Variants in XKR6 observed in about 807,000 individuals in gnomAD.
XKR6 encodes XK related 6, also known as XK-related protein 6.
Under a neutral mutation model 56.7 loss-of-function variants are expected in XKR6, and 22 were observed. That is an observed-to-expected ratio of 0.39 (90% CI 0.28 to 0.55). XKR6 has a LOEUF of 0.55. Among genes scored for constraint, XKR6 ranks in the 20% least tolerant of loss-of-function variants. The probability of loss-of-function intolerance (pLI) is 0.66; values close to 1 mark genes in which losing one functional copy is unlikely to be tolerated. For missense variants in XKR6, 852 were observed against 889.0 expected, an observed-to-expected ratio of 0.96 and a Z score of 0.53; for synonymous variants, 524 against 387.8, an observed-to-expected ratio of 1.35 and a Z score of -4.13.
At chr8:11,022,286 G>T (rs1446537084) in intron 1 of XKR6, among the ~76,000 whole-genome samples, 1 of 152,036 alleles carries the variant, frequency 6.6e-6, no homozygotes, top group African/African-American at 2.4e-5. Context: ...AAAGGTGCAT[G>T]GGCTGTAACC....
At chr8:11,007,900 C>A (rs1330132196) in intron 1 of XKR6, among the ~76,000 whole-genome samples, 2 of 151,952 alleles carry the variant, frequency 1.3e-5, no homozygotes, top group Non-Finnish European at 2.9e-5. Context: ...AGCTTGAGCC[C>A]TTGGAAGCAG....
At chr8:11,043,943 C>T (rs1799346727) in intron 1 of XKR6, among the ~76,000 whole-genome samples, 1 of 152,224 alleles carries the variant, frequency 6.6e-6, no homozygotes, top group African/African-American at 2.4e-5. Context: ...CTTAAAGAAT[C>T]AACTAAGCTC....
chr8:11,114,919 A>AT (rs1403352391), intron 1 of XKR6, among the ~76,000 whole-genome samples: 1 of 152,176 alleles, frequency 6.6e-6, no homozygotes. Context: ...TCTAACCAAA[A>AT]TAAGGCACTC....
chr8:11,050,903 C>T (rs1586478877), intron 1 of XKR6, among the ~76,000 whole-genome samples: 1 of 152,208 alleles, frequency 6.6e-6, no homozygotes, highest in Non-Finnish European at 1.5e-5. Flanking sequence ...CACCCTCATC[C>T]TCAGAATAAC....
chr8:10,999,806 A>T (rs1798198431), intron 1 of XKR6, among the ~76,000 whole-genome samples: 1 of 152,216 alleles, frequency 6.6e-6, no homozygotes, highest in Non-Finnish European at 1.5e-5. Flanking sequence ...GGACAGCATG[A>T]GATGCTCAGC....
chr8:10,940,113 C>T (rs1422534566), intron 1 of XKR6, among the ~76,000 whole-genome samples: 1 of 152,204 alleles, frequency 6.6e-6, no homozygotes, highest in African/African-American at 2.4e-5. Flanking sequence ...GGCATGGCCC[C>T]TCATGTAGCA....
At chr8:11,052,627 C>A (rs989910518) in intron 1 of XKR6, among the ~76,000 whole-genome samples, 2 of 152,074 alleles carry the variant, frequency 1.3e-5, no homozygotes, top group African/African-American at 2.4e-5. Context: ...GAGCCCAGAG[C>A]CCAGTTCTCT....
intron 1 of XKR6, among the ~76,000 whole-genome samples, chr8:10,948,174 G>A (rs779382297): frequency 1.2e-4 from 19 of 152,176 alleles, no homozygotes; most frequent in Admixed American, 9.2e-4. Flanking sequence ...TCCCAGCTAC[G>A]GGTGAAGAGG....
At chr8:10,923,943 C>T (rs947652293) in intron 2 of XKR6, among the ~76,000 whole-genome samples, 3 of 152,214 alleles carry the variant, frequency 2.0e-5, no homozygotes, top group Non-Finnish European at 2.9e-5. Flanking sequence ...TGATAAACTC[C>T]GTACCTCCCA....
At chr8:11,082,050 G>T (rs1176510363) in intron 1 of XKR6, among the ~76,000 whole-genome samples, 1 of 152,238 alleles carries the variant, frequency 6.6e-6, no homozygotes, top group Non-Finnish European at 1.5e-5. Flanking sequence ...GGAGCTAGCA[G>T]TCAGACCAGG....
intron 1 of XKR6, among the ~76,000 whole-genome samples, chr8:11,089,098 G>A (rs1018252182): frequency 6.6e-5 from 10 of 152,162 alleles, no homozygotes; most frequent in East Asian, 3.9e-4. Flanking sequence ...AGCATAGGAC[G>A]TGACCTGGGA....
chr8:10,950,308 A>G (rs1481666094), intron 1 of XKR6, among the ~76,000 whole-genome samples: 2 of 152,222 alleles, frequency 1.3e-5, no homozygotes, highest in African/African-American at 4.8e-5. Flanking sequence ...AGTGTGGTGC[A>G]GGCCCAAGCT....
chr8:10,943,610 G>A (rs1346595486), intron 1 of XKR6, among the ~76,000 whole-genome samples: 6 of 152,084 alleles, frequency 3.9e-5, no homozygotes, highest in South Asian at 4.2e-4. Flanking sequence ...TCGTCCTCCC[G>A]TAGCTACCAT....
At chr8:10,920,961 C>T (rs754918605) in intron 2 of XKR6, among the ~76,000 whole-genome samples, 14 of 152,248 alleles carry the variant, frequency 9.2e-5, no homozygotes, top group Non-Finnish European at 1.5e-4. Flanking sequence ...AGCACAAAAA[C>T]AGGGGATTGC....
chr8:11,095,616 G>A (rs1008971039), intron 1 of XKR6, among the ~76,000 whole-genome samples: 6 of 152,198 alleles, frequency 3.9e-5, no homozygotes, highest in Admixed American at 1.3e-4. Context: ...AAACGCACCC[G>A]CCATGCCAAT....
At chr8:11,160,478 G>C (rs1052650759) in intron 1 of XKR6, among the ~76,000 whole-genome samples, 2 of 152,116 alleles carry the variant, frequency 1.3e-5, no homozygotes, top group African/African-American at 4.8e-5. Flanking sequence ...ATAAAGTTTA[G>C]AAGGAGGCAT....
At chr8:11,136,240 C>A (rs187027830) in intron 1 of XKR6, among the ~76,000 whole-genome samples, 1 of 152,200 alleles carries the variant, frequency 6.6e-6, no homozygotes, top group Non-Finnish European at 1.5e-5. Context: ...CCTGGCCTGG[C>A]GCGGCGGCTC....
chr8:11,028,336 G>C (rs1798917339), intron 1 of XKR6, among the ~76,000 whole-genome samples: 1 of 152,194 alleles, frequency 6.6e-6, no homozygotes, highest in South Asian at 2.1e-4. Flanking sequence ...ATGGATCACA[G>C]TTTACCCGTT....
At chr8:11,126,117 G>T (rs1237121792) in intron 1 of XKR6, 1 of 150,786 alleles carries the variant, frequency 6.6e-6, no homozygotes, top group Non-Finnish European at 1.5e-5. Flanking sequence ...CGCCCAGACT[G>T]AAGTGCAGTG....
Sources: gnomAD v4.1 joint callset for allele counts (sites outside exome capture counted in the v4.1 genomes callset) on GRCh38, gnomAD v4.1.1 for gene constraint, MANE v1.5 for transcripts, NCBI Gene and HGNC (gene_info 2026-07-23, HGNC 2026-07-21) for gene names.